Variants in ITPRID1 observed in about 807,000 individuals in gnomAD.
The protein encoded by ITPRID1 is ITPR interacting domain containing 1, also known as protein ITPRID1.
Under a neutral mutation model 95.4 loss-of-function variants are expected in ITPRID1, and 96 were observed. The ratio of observed to expected loss-of-function variants is 1.01; its 90% CI spans 0.85 to 1.19. The LOEUF is 1.19. ITPRID1 is among the 50% of genes most tolerant of loss of function. The pLI, the probability that ITPRID1 is intolerant of heterozygous loss-of-function variation, is 0.00. For missense variants in ITPRID1, 1,339 were observed against 1,252.9 expected, an observed-to-expected ratio of 1.07 and a Z score of -1.04; for synonymous variants, 510 against 453.6, an observed-to-expected ratio of 1.12 and a Z score of -1.58.
At chr7:31,624,763 G>T (rs368555657) in intron 10 of ITPRID1, among the ~76,000 whole-genome samples, 6 of 151,750 alleles carry the variant, frequency 4.0e-5, no homozygotes, top group South Asian at 2.1e-4. Flanking sequence ...AAAGCCAAAA[G>T]TGACAAATGG....
intron 10 of ITPRID1, among the ~76,000 whole-genome samples, chr7:31,616,981 T>G (rs544049390): frequency 9.2e-5 from 14 of 152,174 alleles, no homozygotes; most frequent in African/African-American, 2.7e-4. Flanking sequence ...TTCTGCAAAT[T>G]GCCTGTTGCT....
At chr7:31,527,012 A>G (rs1329796863) in intron 1 of ITPRID1, among the ~76,000 whole-genome samples, 1 of 152,148 alleles carries the variant, frequency 6.6e-6, no homozygotes, top group Middle Eastern at 3.2e-3. Flanking sequence ...CTTTCCAGTT[A>G]CATCACTTGA....
At chr7:31,548,904 A>G (rs1784189940) in intron 1 of ITPRID1, among the ~76,000 whole-genome samples, 3 of 152,206 alleles carry the variant, frequency 2.0e-5, no homozygotes, top group East Asian at 1.9e-4. Flanking sequence ...ACATGGATCT[A>G]TGTAGACTTC....
chr7:31,658,184 G>A, downstream of ITPRID1: 1 of 1,190,978 alleles, frequency 8.4e-7, no homozygotes, highest in Non-Finnish European at 1.1e-6. Flanking sequence ...ATTTGTGTAA[G>A]GATATTCGTT....
intron 1 of ITPRID1, among the ~76,000 whole-genome samples, chr7:31,534,737 T>C (rs1783706646): frequency 6.6e-6 from 1 of 152,096 alleles, no homozygotes; most frequent in African/African-American, 2.4e-5. Context: ...TAGGTGTTTT[T>C]TCCATGTACA....
intron 7 of ITPRID1, among the ~76,000 whole-genome samples, chr7:31,572,965 A>G (rs1785043462): frequency 6.6e-6 from 1 of 152,210 alleles, no homozygotes; most frequent in African/African-American, 2.4e-5. Context: ...TGAAGTCACT[A>G]TGATAACAGA....
intron 12 of ITPRID1, among the ~76,000 whole-genome samples, chr7:31,644,433 G>T (rs1037325459): frequency 6.6e-6 from 1 of 152,212 alleles, no homozygotes; most frequent in Non-Finnish European, 1.5e-5. Context: ...ACTCAGCCCA[G>T]CATGTGGCAC....
chr7:31,574,462 G>A (rs1785103208), intron 7 of ITPRID1, 78 bp from the exon 8 acceptor site: 6 of 1,236,194 alleles, frequency 4.9e-6, no homozygotes, highest in Non-Finnish European at 7.0e-6. Flanking sequence ...CTGGGAGATT[G>A]GGTGGATGAG....
chr7:31,577,552 C>G (rs974274560), intron 8 of ITPRID1, among the ~76,000 whole-genome samples: 8 of 152,156 alleles, frequency 5.3e-5, no homozygotes, highest in Non-Finnish European at 1.0e-4. Context: ...TACACAGATT[C>G]ACCGATGCCT....
chr7:31,619,747 C>G (rs185473861), intron 10 of ITPRID1, among the ~76,000 whole-genome samples: 14 of 152,230 alleles, frequency 9.2e-5, no homozygotes, highest in East Asian at 3.9e-4. Context: ...GAGTGCCAGA[C>G]AGTGGGCGCA....
chr7:31,578,530 A>G, intron 9 of ITPRID1, 96 bp downstream of exon 9: 1 of 830,642 alleles, frequency 1.2e-6, no homozygotes. Context: ...TCATCTTTTA[A>G]TCCCTCAGCA....
At position 31,652,931 on chromosome 7, in the gene ITPRID1, T is replaced by C. The variant is rs1791094847; in HGVS notation, c.*102T>C. ...CCAAGGAGAAGGGTCTGCCAACCCATTGTCAGCTATATCTCTCATATTCTA... is the reference window on the plus strand; with the variant it reads ...CCAAGGAGAAGGGTCTGCCAACCCACTGTCAGCTATATCTCTCATATTCTA... On this transcript the variant is annotated 3_prime_UTR_variant, in exon 15 of 15. Coordinates refer to ENST00000615280, the MANE Select transcript of ITPRID1 (RefSeq NM_001257967.3). 3 of 1,518,390 alleles carry C rather than the reference T, an allele frequency of 2.0e-6. No individual in the cohort carries two copies. The highest frequency in any genetic ancestry group is 2.3e-5 in the East Asian group (1 of 43,642). The allele number at this position is 1,518,390 out of a possible 1,614,324, so 94.1% of individuals were successfully genotyped here.
chr7:31,639,531 TG>T lies in ITPRID1; in HGVS notation c.1229-2644del, dbSNP rs1424183184. 1.0e-3 allele frequency among the ~76,000 whole-genome samples: 25 copies of T among 23,916 alleles called. 1 individual carries two copies. The highest frequency in any genetic ancestry group is 4.0e-3 in the African/African-American group (11 of 2,774). The allele number at this position is 23,916 out of a possible 152,430, so 15.7% of individuals were successfully genotyped here. ...GGATATAGTTTTTCTTTTGTTTGTT[TG>T]TTTTTGTTTTTTTTTTTTTTTTGAG... is the stretch of plus-strand genomic sequence containing the variant. On this transcript the variant is annotated intron_variant, in intron 10 of 14. Coordinates refer to ENST00000615280, the MANE Select transcript of ITPRID1 (RefSeq NM_001257967.3).
At chr7:31,590,192 C>G (rs1006166868) in intron 10 of ITPRID1, among the ~76,000 whole-genome samples, 1 of 152,058 alleles carries the variant, frequency 6.6e-6, no homozygotes, top group African/African-American at 2.4e-5. Flanking sequence ...CCTCTGCCTA[C>G]CAAGTATCTG....
intron 10 of ITPRID1, among the ~76,000 whole-genome samples, chr7:31,585,708 C>G (rs946628850): frequency 1.1e-4 from 17 of 152,078 alleles, no homozygotes; most frequent in African/African-American, 3.9e-4. Flanking sequence ...ACAAGATATG[C>G]CTTCCCTATC....
intron 5 of ITPRID1, among the ~76,000 whole-genome samples, chr7:31,566,230 A>G (rs1562573564): frequency 2.0e-5 from 3 of 152,228 alleles, no homozygotes. Context: ...AAAACTCAGC[A>G]AGGCTGAGCT....
At chr7:31,566,937 G>A (rs552302945) in intron 5 of ITPRID1, among the ~76,000 whole-genome samples, 71 of 152,308 alleles carry the variant, frequency 4.7e-4, no homozygotes, top group Admixed American at 3.0e-3. Context: ...TGAGGGAAGA[G>A]CTAAGTGGAA....
intron 1 of ITPRID1, among the ~76,000 whole-genome samples, chr7:31,540,996 C>T (rs899683914): frequency 2.6e-5 from 4 of 152,090 alleles, no homozygotes; most frequent in East Asian, 1.9e-4. Context: ...TGCCCTGTTA[C>T]GAAAGAAAAC....
rs869161999 is a variant in ITPRID1, at chr7:31,598,398, CTTTTTTT to C, written c.1228+15224_1228+15230del. 2.5e-3 allele frequency among the ~76,000 whole-genome samples: 271 copies of C among 106,806 alleles called. 1 individual carries two copies. Among genetic ancestry groups the C allele is most frequent in the African/African-American group, 9.3e-3 (253 of 27,242 alleles). The allele number at this position is 106,806 out of a possible 152,430, so 70.1% of individuals were successfully genotyped here. A position where few individuals can be genotyped will look rare whatever the true frequency, so the allele number is the denominator to read the frequency against. ...AAATAGCGAATTTCTTTTTTTTTTT[CTTTTTTT>C]TTTTTTTTTTTTTTTTGAGACGGAG... is the stretch of plus-strand genomic sequence containing the variant. On this transcript the variant is annotated intron_variant, in intron 10 of 14. Coordinates refer to ENST00000615280, the MANE Select transcript of ITPRID1 (RefSeq NM_001257967.3).
Sources: allele counts gnomAD v4.1 joint callset (sites outside exome capture counted in the v4.1 genomes callset), GRCh38; gene constraint gnomAD v4.1.1; transcripts MANE v1.5; gene names NCBI Gene and HGNC (gene_info 2026-07-23, HGNC 2026-07-21).